Variants in DPP6 observed in about 807,000 individuals in gnomAD.
The protein encoded by DPP6 is dipeptidyl peptidase like 6, also known as A-type potassium channel modulatory protein DPP6.
DPP6 carries 69 observed loss-of-function variants against 122.6 expected under a neutral mutation model. The ratio of observed to expected loss-of-function variants is 0.56; its 90% CI spans 0.46 to 0.69. The LOEUF is 0.69. DPP6 is among the 30% of genes least tolerant of loss of function. The pLI, the probability that DPP6 is intolerant of heterozygous loss-of-function variation, is 0.00. For synonymous variants in DPP6, 418 were observed against 433.1 expected (o/e 0.97, Z 0.43); for missense variants, 928 against 1,116.9 (o/e 0.83, Z 2.41).
At chr7:154,166,037 C>T (rs1406008431) in intron 1 of DPP6, among the ~76,000 whole-genome samples, 2 of 152,194 alleles carry the variant, frequency 1.3e-5, no homozygotes, top group African/African-American at 4.8e-5. Context: ...ATTAAAATTT[C>T]TTCTGCCGTT....
chr7:154,369,670 C>G (rs1020889408), intron 1 of DPP6, among the ~76,000 whole-genome samples: 2 of 152,118 alleles, frequency 1.3e-5, no homozygotes, highest in African/African-American at 4.8e-5. Context: ...CCAGCCTCAA[C>G]TGTTACTTGA....
intron 7 of DPP6, among the ~76,000 whole-genome samples, chr7:154,685,788 C>G (rs1839562284): frequency 1.3e-5 from 2 of 152,220 alleles, no homozygotes; most frequent in Admixed American, 6.5e-5. Context: ...GTCAATTCAA[C>G]TTAATTCAAC....
chr7:154,633,314 G>T (rs1375466217), intron 5 of DPP6, among the ~76,000 whole-genome samples: 1 of 152,122 alleles, frequency 6.6e-6, no homozygotes, highest in Non-Finnish European at 1.5e-5. Context: ...TCAGTTCACT[G>T]CAACCTCCGC....
chr7:153,842,936 T>C, the DPP6 span, among the ~76,000 whole-genome samples: 1 of 152,194 alleles, frequency 6.6e-6, no homozygotes, highest in Admixed American at 6.5e-5. Flanking sequence ...AAGTATTTTT[T>C]ATTGGAAGAA....
chr7:154,127,585 A>G (rs1807980960), intron 1 of DPP6, among the ~76,000 whole-genome samples: 1 of 148,494 alleles, frequency 6.7e-6, no homozygotes, highest in Admixed American at 6.7e-5. Context: ...TGGGGTAAAC[A>G]GGAGCAGCAT....
chr7:154,694,211 G>A (rs1025087950), intron 7 of DPP6, among the ~76,000 whole-genome samples: 6 of 152,114 alleles, frequency 3.9e-5, no homozygotes, highest in Non-Finnish European at 7.3e-5. Context: ...CCCTCATGAC[G>A]TGATCATTTC....
At chr7:153,899,525 G>C (rs1032421053) in intron 1 of DPP6, among the ~76,000 whole-genome samples, 6 of 152,188 alleles carry the variant, frequency 3.9e-5, no homozygotes, top group Admixed American at 3.9e-4. Flanking sequence ...CGGAATGGTG[G>C]TAAATGCTGT....
chr7:154,514,357 A>G (rs1304895632), intron 3 of DPP6, among the ~76,000 whole-genome samples: 1 of 151,890 alleles, frequency 6.6e-6, no homozygotes, highest in Admixed American at 6.6e-5. Context: ...CATCAAACCC[A>G]TTTTTCTTTC....
intron 2 of DPP6, among the ~76,000 whole-genome samples, chr7:154,447,086 G>A (rs1251378536): frequency 8.6e-5 from 13 of 151,936 alleles, no homozygotes; most frequent in African/African-American, 2.9e-4. Flanking sequence ...CGGGTAGATC[G>A]CCTGACATCA....
At chr7:154,370,762 C>A (rs1435621991) in intron 1 of DPP6, among the ~76,000 whole-genome samples, 3 of 152,166 alleles carry the variant, frequency 2.0e-5, no homozygotes, top group Non-Finnish European at 4.4e-5. Flanking sequence ...ACCTCAGAAC[C>A]TGATAGAATA....
intron 1 of DPP6, among the ~76,000 whole-genome samples, chr7:153,897,987 T>G (rs914903984): frequency 1.3e-5 from 2 of 152,108 alleles, no homozygotes; most frequent in Admixed American, 1.3e-4. Context: ...GAAAGAAAGA[T>G]AATACCAAGG....
At chr7:154,633,125 A>C (rs973024843) in intron 5 of DPP6, among the ~76,000 whole-genome samples, 2 of 152,218 alleles carry the variant, frequency 1.3e-5, no homozygotes, top group Non-Finnish European at 2.9e-5. Flanking sequence ...ACTTCTAAAA[A>C]ATGGCACTCT....
chr7:154,726,976 T>A (rs1277837697), intron 7 of DPP6, among the ~76,000 whole-genome samples: 1 of 152,198 alleles, frequency 6.6e-6, no homozygotes, highest in Non-Finnish European at 1.5e-5. Flanking sequence ...TCTAGGAAGT[T>A]TCAAACTTTC....
At chr7:154,165,354 G>A (rs1287728516) in intron 1 of DPP6, among the ~76,000 whole-genome samples, 6 of 142,336 alleles carry the variant, frequency 4.2e-5, no homozygotes, top group East Asian at 2.0e-4. Flanking sequence ...TTTTATGACC[G>A]CATAGTATTC....
At chr7:154,490,886 A>G (rs1586437614) in intron 3 of DPP6, among the ~76,000 whole-genome samples, 1 of 152,226 alleles carries the variant, frequency 6.6e-6, no homozygotes, top group Admixed American at 6.5e-5. Context: ...ATGAAGCTTT[A>G]TAAGTCATTT....
At chr7:154,595,908 A>C (rs1833063047) in intron 5 of DPP6, among the ~76,000 whole-genome samples, 1 of 152,178 alleles carries the variant, frequency 6.6e-6, no homozygotes. Context: ...AAAATACAAA[A>C]AAATTAGCCA....
chr7:153,900,007 A>G (rs1035821892), intron 1 of DPP6, among the ~76,000 whole-genome samples: 1 of 152,218 alleles, frequency 6.6e-6, no homozygotes, highest in African/African-American at 2.4e-5. Context: ...GTGGTTCCCA[A>G]CATGATGTGA....
chr7:153,988,842 C>G (rs550767203), intron 1 of DPP6, among the ~76,000 whole-genome samples: 253 of 151,706 alleles, frequency 1.7e-3, no homozygotes, highest in African/African-American at 5.8e-3. Context: ...GATTGCATTG[C>G]TTTCCCAAGA....
intron 6 of DPP6, among the ~76,000 whole-genome samples, chr7:154,663,517 G>A (rs1403433853): frequency 1.8e-4 from 7 of 38,898 alleles, no homozygotes; most frequent in Non-Finnish European, 5.1e-4. Context: ...TCACCATGGC[G>A]TATCGGCCGT....
Sources: gnomAD v4.1 joint callset for allele counts (sites outside exome capture counted in the v4.1 genomes callset) on GRCh38, gnomAD v4.1.1 for gene constraint, MANE v1.5 for transcripts, NCBI Gene and HGNC (gene_info 2026-07-23, HGNC 2026-07-21) for gene names.